The following CSMD1 variants were observed in gnomAD, a reference collection of about 807,000 sequenced individuals.
CSMD1 encodes the protein CUB and sushi domain-containing protein 1.
CSMD1 carries 213 observed loss-of-function variants against 417.5 expected under a neutral mutation model. The ratio of observed to expected loss-of-function variants is 0.51; its 90% CI spans 0.46 to 0.57. CSMD1 has a LOEUF of 0.57. CSMD1 is among the 20% of genes least tolerant of loss of function. The pLI is 0.00. For synonymous variants in CSMD1, 2,862 were observed against 1,736.8 expected (o/e 1.65, Z -16.11); for missense variants, 6,923 against 4,529.7 (o/e 1.53, Z -15.17).
chr8:4,270,620 A>G (rs2128851071), intron 3 of CSMD1, among the ~76,000 whole-genome samples: 1 of 152,270 alleles, frequency 6.6e-6, no homozygotes, highest in South Asian at 2.1e-4. Flanking sequence ...TTTGACTCTG[A>G]TAGAATTAAA....
chr8:4,676,560 AG>A (rs765488769), intron 1 of CSMD1, among the ~76,000 whole-genome samples: 1 of 152,196 alleles, frequency 6.6e-6, no homozygotes, highest in Non-Finnish European at 1.5e-5. Context: ...GCACCAGTTT[AG>A]CACAAGCTAC....
intron 3 of CSMD1, among the ~76,000 whole-genome samples, chr8:4,348,976 C>T (rs185165703): frequency 1.3e-5 from 2 of 152,232 alleles, no homozygotes; most frequent in Non-Finnish European, 2.9e-5. Flanking sequence ...GCACCATATG[C>T]AAAAACAGGA....
rs544919172 is a variant in CSMD1, at chr8:4,628,619, A to G, written c.302+8723T>C. Among the ~76,000 whole-genome samples the G allele has an allele frequency of 1.2e-4, 18 of 151,418 alleles. No individual in the cohort carries two copies. In the South Asian group the frequency reaches 3.4e-3, roughly 28 times the overall value. ...ACAGGAAAAAGAAAATGTTAAAAAA[A>G]ATGCTCTCCTCACACATGCCCTGCC... On this transcript the variant is annotated intron_variant, in intron 2 of 69. Coordinates refer to ENST00000635120, the MANE Select transcript of CSMD1 (RefSeq NM_033225.6).
chr8:4,950,857 C>G (rs1391030212), intron 1 of CSMD1, among the ~76,000 whole-genome samples: 2 of 152,012 alleles, frequency 1.3e-5, no homozygotes, highest in African/African-American at 2.4e-5. Context: ...TTGGTGTACC[C>G]TACCTTGGCT....
chr8:3,450,565 GTT>G (rs200679428), intron 12 of CSMD1, among the ~76,000 whole-genome samples: 18 of 144,912 alleles, frequency 1.2e-4, no homozygotes, highest in African/African-American at 4.3e-4. Context: ...TGCAGTGTTT[GTT>G]TTTTTTTTGT....
chr8:4,037,445 G>A (rs983741931), intron 3 of CSMD1, among the ~76,000 whole-genome samples: 1 of 152,182 alleles, frequency 6.6e-6, no homozygotes, highest in Admixed American at 6.5e-5. Context: ...GGGCATCTTA[G>A]ACCATTTCAA....
intron 3 of CSMD1, among the ~76,000 whole-genome samples, chr8:4,180,484 G>A (rs1018794054): frequency 1.8e-4 from 27 of 150,838 alleles, no homozygotes; most frequent in South Asian, 4.2e-4. Context: ...GCTAAATGAC[G>A]AGTTAGTGGG....
At chr8:4,745,316 G>C (rs1417274021) in intron 1 of CSMD1, among the ~76,000 whole-genome samples, 11 of 152,048 alleles carry the variant, frequency 7.2e-5, no homozygotes, top group African/African-American at 1.4e-4. Context: ...TTACACTCTG[G>C]TTTTATTACT....
intron 3 of CSMD1, among the ~76,000 whole-genome samples, chr8:4,396,311 A>T (rs1049675705): frequency 1.3e-5 from 2 of 151,934 alleles, no homozygotes; most frequent in African/African-American, 4.8e-5. Context: ...AGTAAAAAAA[A>T]AAAAAAATAG....
intron 25 of CSMD1, among the ~76,000 whole-genome samples, chr8:3,295,248 C>A (rs1336247739): frequency 6.6e-6 from 1 of 151,992 alleles, no homozygotes; most frequent in Admixed American, 6.6e-5. Flanking sequence ...CCTCAGCCTC[C>A]CGAGTAGCTG....
chr8:4,826,719 C>T (rs970418445), intron 1 of CSMD1, among the ~76,000 whole-genome samples: 10 of 152,078 alleles, frequency 6.6e-5, no homozygotes, highest in Middle Eastern at 3.2e-3. Context: ...CTTTCGTGAC[C>T]CTCATGCCCC....
intron 5 of CSMD1, among the ~76,000 whole-genome samples, chr8:3,926,656 C>G (rs1299691188): frequency 1.3e-5 from 2 of 149,342 alleles, no homozygotes; most frequent in Admixed American, 6.7e-5. Flanking sequence ...ATTAATTGAC[C>G]TATACTTTTA....
chr8:3,084,273 C>G (rs1181014448), intron 49 of CSMD1, among the ~76,000 whole-genome samples: 1 of 152,082 alleles, frequency 6.6e-6, no homozygotes, highest in African/African-American at 2.4e-5. Context: ...CCTGTAATCC[C>G]AGCACTTTGG....
intron 3 of CSMD1, among the ~76,000 whole-genome samples, chr8:4,164,282 A>G (rs987933460): frequency 3.3e-5 from 5 of 152,190 alleles, no homozygotes; most frequent in Non-Finnish European, 7.3e-5. Flanking sequence ...ATTTTCTTTA[A>G]TGGATACAAA....
chr8:4,296,677 T>C (rs1390943776), intron 3 of CSMD1, among the ~76,000 whole-genome samples: 2 of 146,088 alleles, frequency 1.4e-5, no homozygotes, highest in East Asian at 2.1e-4. Context: ...CTTGGGTCCC[T>C]GAAAACACGA....
intron 10 of CSMD1, among the ~76,000 whole-genome samples, chr8:3,517,138 T>A (rs1003656622): frequency 6.6e-6 from 1 of 152,212 alleles, no homozygotes; most frequent in African/African-American, 2.4e-5. Flanking sequence ...AGCTCCCTCC[T>A]GCAGTGTGCT....
chr8:3,000,267 G>T (rs907622724), intron 52 of CSMD1, 136 bp from the exon 53 acceptor site: 4 of 423,834 alleles, frequency 9.4e-6, no homozygotes, highest in African/African-American at 6.2e-5. Context: ...ACATATATAT[G>T]TATACTTTTA....
chr8:3,235,724 T>C (rs6558740), intron 26 of CSMD1, among the ~76,000 whole-genome samples: 104,192 of 151,988 alleles, frequency 0.69, 36,098 homozygotes, highest in Non-Finnish European at 0.73. Context: ...CCTTTCATGG[T>C]ATAATATTCT....
chr8:4,411,913 A>G (rs77435526), intron 3 of CSMD1, among the ~76,000 whole-genome samples: 2,459 of 152,220 alleles, frequency 0.016, 32 homozygotes, highest in Middle Eastern at 0.044. Context: ...CAATACACAT[A>G]GGACTAAAAG....
Sources: allele counts gnomAD v4.1 joint callset (sites outside exome capture counted in the v4.1 genomes callset), GRCh38; gene constraint gnomAD v4.1.1; transcripts MANE v1.5; gene names NCBI Gene and HGNC (gene_info 2026-07-23, HGNC 2026-07-21).